Variants in ATP6V1H observed in about 807,000 individuals in gnomAD.
ATP6V1H encodes ATPase H+ transporting V1 subunit H, also known as V-type proton ATPase subunit H.
A neutral mutation model predicts 71.7 loss-of-function variants in ATP6V1H; 39 were observed. The observed-to-expected ratio is 0.54, with a 90% CI of 0.42 to 0.71. ATP6V1H has a LOEUF of 0.71. Ranked by LOEUF, ATP6V1H falls within the 30% of genes least tolerant of loss-of-function variation. The pLI, the probability that ATP6V1H is intolerant of heterozygous loss-of-function variation, is 0.00. For missense variants in ATP6V1H, 509 were observed against 594.9 expected (o/e 0.86, Z 1.50); for synonymous variants, 192 against 199.3 (o/e 0.96, Z 0.31).
chr8:53,828,113 T>C (rs983088965), intron 4 of ATP6V1H, among the ~76,000 whole-genome samples: 2 of 152,212 alleles, frequency 1.3e-5, no homozygotes, highest in Admixed American at 6.5e-5. Context: ...TCTATTCCTT[T>C]GAGTATCTAC....
intron 12 of ATP6V1H, among the ~76,000 whole-genome samples, chr8:53,755,751 T>C (rs1206571692): frequency 4.1e-4 from 13 of 32,068 alleles, no homozygotes; most frequent in African/African-American, 1.7e-3. Flanking sequence ...TATATTTTTT[T>C]TTTTTTTTTT....
chr8:53,809,278 A>G (rs536758670), intron 7 of ATP6V1H, among the ~76,000 whole-genome samples: 5 of 152,234 alleles, frequency 3.3e-5, no homozygotes, highest in Admixed American at 1.3e-4. Flanking sequence ...CGTCAGGCAC[A>G]TAGTTAAGTG....
rs367876894 is a variant in ATP6V1H, at chr8:53,841,700, G to A, written c.-10C>T. 6 of 1,611,606 alleles carry A rather than the reference G, an allele frequency of 3.7e-6. No homozygotes were observed. Among genetic ancestry groups the A allele is most frequent in the East Asian group, 2.2e-5 (1 of 44,822 alleles). ...TATCCATTTTGGTCATCTAAACTTC[G>A]TAATCTTGAATGTCTTTCAACAAAT... On this transcript the variant is annotated 5_prime_UTR_variant, in exon 2 of 14. The change creates a new upstream start codon in the 5' untranslated region. Transcript: ENST00000359530.
intron 12 of ATP6V1H, among the ~76,000 whole-genome samples, chr8:53,747,092 T>G (rs1308630809): frequency 6.6e-6 from 1 of 152,226 alleles, no homozygotes; most frequent in African/African-American, 2.4e-5. Flanking sequence ...AGAACTATTT[T>G]TGTTTGTTCT....
intron 10 of ATP6V1H, among the ~76,000 whole-genome samples, chr8:53,770,880 G>A (rs893345501): frequency 1.3e-5 from 2 of 152,020 alleles, no homozygotes; most frequent in Non-Finnish European, 2.9e-5. Flanking sequence ...GCCTATTCCT[G>A]GCCTGCCTAT....
chr8:53,789,240 T>C (rs561058741), intron 9 of ATP6V1H, among the ~76,000 whole-genome samples: 46 of 152,300 alleles, frequency 3.0e-4, no homozygotes, highest in African/African-American at 1.0e-3. Flanking sequence ...ACCTAATGAT[T>C]CAGTGAAAAA....
intron 9 of ATP6V1H, among the ~76,000 whole-genome samples, chr8:53,790,490 A>T (rs943975784): frequency 6.6e-6 from 1 of 152,226 alleles, no homozygotes; most frequent in Non-Finnish European, 1.5e-5. Context: ...TTCATTTAGC[A>T]CATATTTTTC....
chr8:53,749,466 CT>C lies in ATP6V1H; in HGVS notation c.1278-5777del, dbSNP rs1448442024. On this transcript the variant is annotated intron_variant, in intron 12 of 13. Transcript: ENST00000359530. ...GCTCGGCCCTTGACCCCACAGCTTACTTTGTTCACACCCAGCTACCCAGAGC... is the reference window on the plus strand; with the variant it reads ...GCTCGGCCCTTGACCCCACAGCTTACTTGTTCACACCCAGCTACCCAGAGC... Among the ~76,000 whole-genome samples the C allele has an allele frequency of 4.6e-5, 7 of 152,258 alleles. No homozygotes were observed. The East Asian group carries it at 1.2e-3, about 25-fold the overall frequency.
chr8:53,818,663 A>G (rs1163889881), intron 4 of ATP6V1H, among the ~76,000 whole-genome samples: 75 of 152,224 alleles, frequency 4.9e-4, no homozygotes, highest in Non-Finnish European at 1.2e-4. Flanking sequence ...CCGGTCAGGT[A>G]CACTTAGCAA....
At chr8:53,810,791 G>A (rs979924084) in intron 7 of ATP6V1H, among the ~76,000 whole-genome samples, 3 of 152,058 alleles carry the variant, frequency 2.0e-5, no homozygotes, top group Non-Finnish European at 2.9e-5. Context: ...AATGTTTGAC[G>A]CTTTTGTTCA....
At chr8:53,753,905 C>T (rs576498773) in intron 12 of ATP6V1H, among the ~76,000 whole-genome samples, 11 of 152,240 alleles carry the variant, frequency 7.2e-5, no homozygotes, top group African/African-American at 2.2e-4. Flanking sequence ...TCATGGATCC[C>T]GGTAGAACAC....
At chr8:53,839,667 T>C (rs1391224987) in intron 2 of ATP6V1H, 2 of 985,326 alleles carry the variant, frequency 2.0e-6, no homozygotes, top group Non-Finnish European at 2.4e-6. Flanking sequence ...GAGGCAGATA[T>C]GGTCTTCTAA....
At chr8:53,728,093 C>G (rs559909657) in intron 13 of ATP6V1H, among the ~76,000 whole-genome samples, 1 of 152,198 alleles carries the variant, frequency 6.6e-6, no homozygotes, top group Non-Finnish European at 1.5e-5. Flanking sequence ...GAACTTGCCA[C>G]GCAGCAGGCA....
chr8:53,761,366 C>T (rs1808269295), intron 11 of ATP6V1H, among the ~76,000 whole-genome samples: 1 of 151,730 alleles, frequency 6.6e-6, no homozygotes, highest in African/African-American at 2.4e-5. Flanking sequence ...ATACCATATA[C>T]CATTGTTCCT....
In ATP6V1H at chr8:53,782,661, T is replaced by A. The variant is rs1193985358; in HGVS notation, c.871-10494A>T. Among the ~76,000 whole-genome samples the A allele has an allele frequency of 3.3e-5, 5 of 152,344 alleles. No individual in the cohort carries two copies. In the East Asian group the frequency reaches 9.6e-4, roughly 29 times the overall value. The stretch of plus-strand genomic sequence containing the variant: ...GCTTCCAGTTTTTGCCCATTCAGTA[T>A]GATATTGGCTGTGGGTTTCTCATAG... On this transcript the variant is annotated intron_variant, in intron 9 of 13. Transcript: ENST00000359530.
intron 11 of ATP6V1H, 136 bp from the exon 12 acceptor site, chr8:53,756,792 A>T (rs917377286): frequency 1.8e-6 from 1 of 561,818 alleles, no homozygotes; most frequent in Non-Finnish European, 3.0e-6. Context: ...GGATTTCACT[A>T]TTAGACATAA....
At chr8:53,835,434 T>G (rs1811127720) in intron 2 of ATP6V1H, among the ~76,000 whole-genome samples, 1 of 152,166 alleles carries the variant, frequency 6.6e-6, no homozygotes, top group Admixed American at 6.5e-5. Context: ...GACCTGAACT[T>G]GCATATGTCC....
intron 9 of ATP6V1H, among the ~76,000 whole-genome samples, chr8:53,783,275 G>C (rs1184850970): frequency 6.6e-6 from 1 of 152,162 alleles, no homozygotes; most frequent in Non-Finnish European, 1.5e-5. Flanking sequence ...TCTTGGGAGG[G>C]TGTATGTGTC....
At chr8:53,767,174 C>T (rs749117845) in intron 11 of ATP6V1H, among the ~76,000 whole-genome samples, 10 of 152,280 alleles carry the variant, frequency 6.6e-5, no homozygotes, top group South Asian at 2.1e-4. Flanking sequence ...ACGTGATTTT[C>T]GGGGCAGGTT....
Sources: gnomAD v4.1 joint callset for allele counts (sites outside exome capture counted in the v4.1 genomes callset) on GRCh38, gnomAD v4.1.1 for gene constraint, MANE v1.5 for transcripts, NCBI Gene and HGNC (gene_info 2026-07-23, HGNC 2026-07-21) for gene names.